Variants in YAF2 observed in about 807,000 individuals in gnomAD.
YAF2 encodes YY1-associated factor 2.
A neutral mutation model predicts 20.1 loss-of-function variants in YAF2; 7 were observed. The observed-to-expected ratio is 0.35, with a 90% CI of 0.20 to 0.65. YAF2 has a LOEUF of 0.65. YAF2 is among the 30% of genes least tolerant of loss of function. The probability of loss-of-function intolerance (pLI) is 0.69; values close to 1 mark genes in which losing one functional copy is unlikely to be tolerated. For synonymous variants in YAF2, 74 were observed against 76.0 expected, an observed-to-expected ratio of 0.97 and a Z score of 0.14; for missense variants, 151 against 219.2, an observed-to-expected ratio of 0.69 and a Z score of 1.96.
chr12:42,189,034 C>T (rs1363825749), intron 2 of YAF2, among the ~76,000 whole-genome samples: 1 of 152,122 alleles, frequency 6.6e-6, no homozygotes, highest in African/African-American at 2.4e-5. Flanking sequence ...GGAAATGTGT[C>T]AGGAAAGCCT....
intron 2 of YAF2, among the ~76,000 whole-genome samples, chr12:42,171,714 A>G (rs1050392658): frequency 2.0e-5 from 3 of 151,906 alleles, no homozygotes; most frequent in Non-Finnish European, 4.4e-5. Flanking sequence ...AACACTTTGG[A>G]AAACTGAGGT....
At position 42,159,824 on chromosome 12, in the gene YAF2, TTA is replaced by T. The variant is rs1316330253; in HGVS notation, c.*763_*764del. 1 of 152,554 alleles carries T rather than the reference TTA, an allele frequency of 6.6e-6. No individual in the cohort carries two copies. The highest frequency in any genetic ancestry group is 1.5e-5 in the Non-Finnish European group (1 of 67,974). 9.5% of individuals were successfully genotyped at this position (152,554 alleles called of 1,614,324 possible). On this transcript the variant is annotated 3_prime_UTR_variant, in exon 4 of 4. Transcript: ENST00000534854. ...TTATAATTATTTGAATTTTAATGTT[TTA>T]TATGATACAGAAAATACCAGTGTTC...
chr12:42,186,129 T>G (rs2066466599), intron 2 of YAF2, among the ~76,000 whole-genome samples: 1 of 141,966 alleles, frequency 7.0e-6, no homozygotes, highest in Non-Finnish European at 1.5e-5. Flanking sequence ...AGGCAGAGGT[T>G]GCAGTGGCTG....
intron 2 of YAF2, among the ~76,000 whole-genome samples, chr12:42,236,311 T>C (rs2068153683): frequency 1.3e-5 from 2 of 152,366 alleles, no homozygotes; most frequent in South Asian, 2.1e-4. Context: ...GTAACCACAA[T>C]CATTTTAGCA....
At chr12:42,222,832 G>A (rs1352819703) in intron 2 of YAF2, among the ~76,000 whole-genome samples, 1 of 151,962 alleles carries the variant, frequency 6.6e-6, no homozygotes, top group East Asian at 1.9e-4. Context: ...AAGATTAAAT[G>A]ATAAAGCCAT....
At chr12:42,227,854 A>T (rs1451037322) in intron 2 of YAF2, among the ~76,000 whole-genome samples, 2 of 124,066 alleles carry the variant, frequency 1.6e-5, no homozygotes, top group South Asian at 5.6e-4. Flanking sequence ...TGGGGGGGTC[A>T]GCCCCCCGCC....
chr12:42,222,298 C>A (rs1316843221), intron 2 of YAF2, among the ~76,000 whole-genome samples: 1 of 152,086 alleles, frequency 6.6e-6, no homozygotes, highest in Non-Finnish European at 1.5e-5. Flanking sequence ...AACTTTCTAC[C>A]AATGTTGGCC....
At chr12:42,201,870 G>A (rs1002240249) in intron 2 of YAF2, among the ~76,000 whole-genome samples, 11 of 152,136 alleles carry the variant, frequency 7.2e-5, no homozygotes, top group Admixed American at 1.3e-4. Flanking sequence ...ACCACACCCA[G>A]CCTGATGTCT....
chr12:42,171,132 G>A (rs1334495193), intron 2 of YAF2, among the ~76,000 whole-genome samples: 1 of 151,954 alleles, frequency 6.6e-6, no homozygotes, highest in African/African-American at 2.4e-5. Context: ...AGCTGGGATT[G>A]CACGTATGTG....
At chr12:42,225,097 T>C (rs2067650116) in intron 2 of YAF2, among the ~76,000 whole-genome samples, 1 of 152,244 alleles carries the variant, frequency 6.6e-6, no homozygotes, top group Non-Finnish European at 1.5e-5. Flanking sequence ...TATCTCATTG[T>C]GGTTTGATGT....
At chr12:42,208,974 C>T (rs191502815) in intron 2 of YAF2, among the ~76,000 whole-genome samples, 7 of 152,062 alleles carry the variant, frequency 4.6e-5, no homozygotes, top group South Asian at 2.1e-4. Context: ...ATTTAAAATG[C>T]CTTTTTAGAA....
intron 2 of YAF2, among the ~76,000 whole-genome samples, chr12:42,165,232 C>T (rs1185491412): frequency 6.6e-6 from 1 of 151,912 alleles, no homozygotes; most frequent in Admixed American, 6.6e-5. Flanking sequence ...ATAGAGAAAA[C>T]AGGAGGAGGA....
chr12:42,234,194 GAAAAGAAA>G (rs1565666063), intron 2 of YAF2: 190 of 322,444 alleles, frequency 5.9e-4, no homozygotes, highest in South Asian at 1.9e-3. Context: ...AAAAAAAAGA[GAAAAGAAA>G]AGAAAAGAAA....
At chr12:42,200,273 C>G (rs1565627197) in intron 2 of YAF2, among the ~76,000 whole-genome samples, 1 of 152,240 alleles carries the variant, frequency 6.6e-6, no homozygotes, top group East Asian at 1.9e-4. Context: ...GGGAAAGTGA[C>G]AAGGATAGAG....
At chr12:42,206,993 C>G (rs1196995113) in intron 2 of YAF2, among the ~76,000 whole-genome samples, 1 of 152,126 alleles carries the variant, frequency 6.6e-6, no homozygotes, top group African/African-American at 2.4e-5. Flanking sequence ...TCTCCATATA[C>G]TTGCACACAC....
chr12:42,176,273 C>T (rs1017781544), intron 2 of YAF2, among the ~76,000 whole-genome samples: 1 of 151,164 alleles, frequency 6.6e-6, no homozygotes, highest in Non-Finnish European at 1.5e-5. Flanking sequence ...AGGAGTGCAC[C>T]ATCACGCCAG....
chr12:42,190,552 C>T (rs1455250428), intron 2 of YAF2, among the ~76,000 whole-genome samples: 2 of 152,090 alleles, frequency 1.3e-5, no homozygotes, highest in Non-Finnish European at 2.9e-5. Context: ...ATTACTTTTT[C>T]CAGCTTTCCT....
intron 2 of YAF2, among the ~76,000 whole-genome samples, chr12:42,167,666 A>G (rs10785332): frequency 0.21 from 31,547 of 152,224 alleles, 3,384 homozygotes; most frequent in Admixed American, 0.25. Flanking sequence ...CTCAATGTTG[A>G]AAAATATAAA....
intron 2 of YAF2, among the ~76,000 whole-genome samples, chr12:42,203,914 C>A (rs2066967992): frequency 6.6e-6 from 1 of 152,078 alleles, no homozygotes; most frequent in Non-Finnish European, 1.5e-5. Flanking sequence ...ATTATAATTA[C>A]AAATATCACC....
Sources: gnomAD v4.1 joint callset for allele counts (sites outside exome capture counted in the v4.1 genomes callset) on GRCh38, gnomAD v4.1.1 for gene constraint, MANE v1.5 for transcripts, NCBI Gene and HGNC (gene_info 2026-07-23, HGNC 2026-07-21) for gene names.